The following EXOC4 variants were observed in gnomAD, a reference collection of about 807,000 sequenced individuals.
EXOC4 encodes SEC8-like 1.
A neutral mutation model predicts 107.2 loss-of-function variants in EXOC4; 71 were observed. The ratio of observed to expected loss-of-function variants is 0.66; its 90% CI spans 0.55 to 0.81. EXOC4 has a LOEUF of 0.81. EXOC4 is among the 30% of genes least tolerant of loss of function. The pLI is 0.00. For synonymous variants in EXOC4, 456 were observed against 441.2 expected, an observed-to-expected ratio of 1.03 and a Z score of -0.42; for missense variants, 1,108 against 1,189.6, an observed-to-expected ratio of 0.93 and a Z score of 1.01.
chr7:133,432,962 A>G (rs1293953077), intron 7 of EXOC4, among the ~76,000 whole-genome samples: 3 of 152,248 alleles, frequency 2.0e-5, no homozygotes, highest in Non-Finnish European at 4.4e-5. Context: ...CTTTGTCAAC[A>G]GATTTCTGAG....
chr7:133,891,916 G>C (rs1236939261), intron 11 of EXOC4, among the ~76,000 whole-genome samples: 1 of 49,638 alleles, frequency 2.0e-5, no homozygotes, highest in Admixed American at 1.5e-4. Flanking sequence ...CCCGGCTTTG[G>C]TATCAGAATG....
chr7:133,850,967 C>T (rs969728044), intron 11 of EXOC4, among the ~76,000 whole-genome samples: 1 of 152,110 alleles, frequency 6.6e-6, no homozygotes, highest in African/African-American at 2.4e-5. Context: ...TCAATTCTTC[C>T]TCATATGAGG....
chr7:133,260,484 G>T (rs1562992174), intron 1 of EXOC4, among the ~76,000 whole-genome samples: 4 of 152,138 alleles, frequency 2.6e-5, no homozygotes, highest in Admixed American at 2.6e-4. Context: ...ATGTTGGTCA[G>T]GCTGGTCTTG....
intron 5 of EXOC4, among the ~76,000 whole-genome samples, chr7:133,332,074 G>A (rs1795407322): frequency 6.6e-6 from 1 of 152,086 alleles, no homozygotes; most frequent in African/African-American, 2.4e-5. Context: ...ACTGCCTTTG[G>A]AACATTTTGA....
chr7:134,094,029 A>C, the EXOC4 span, among the ~76,000 whole-genome samples: 2 of 152,192 alleles, frequency 1.3e-5, no homozygotes, highest in Admixed American at 6.5e-5. Flanking sequence ...AAACAAGAGC[A>C]AATGAACCCC....
intron 10 of EXOC4, among the ~76,000 whole-genome samples, chr7:133,766,179 A>T (rs1262271998): frequency 6.6e-6 from 1 of 151,952 alleles, no homozygotes; most frequent in Non-Finnish European, 1.5e-5. Flanking sequence ...TTCTGTGCTT[A>T]TGAAAAAAGA....
intron 10 of EXOC4, among the ~76,000 whole-genome samples, chr7:133,641,388 T>C (rs1802850491): frequency 1.3e-5 from 2 of 152,214 alleles, no homozygotes; most frequent in South Asian, 2.1e-4. Flanking sequence ...AATTCTTGAA[T>C]ATTAAAAGAT....
At chr7:133,843,901 C>A (rs964888413) in intron 11 of EXOC4, among the ~76,000 whole-genome samples, 14 of 152,166 alleles carry the variant, frequency 9.2e-5, no homozygotes, top group African/African-American at 3.4e-4. Context: ...ACAGCCTTTT[C>A]TGCATCCATT....
intron 4 of EXOC4, among the ~76,000 whole-genome samples, chr7:133,312,651 C>T (rs536646785): frequency 2.6e-5 from 4 of 151,780 alleles, no homozygotes; most frequent in East Asian, 1.9e-4. Flanking sequence ...AAGGAGCATG[C>T]GTGCCATTTT....
chr7:133,779,998 G>A (rs1470063898), intron 10 of EXOC4, among the ~76,000 whole-genome samples: 2 of 152,180 alleles, frequency 1.3e-5, no homozygotes, highest in African/African-American at 4.8e-5. Flanking sequence ...CAGCGAGACT[G>A]TGTACCCACC....
chr7:133,309,008 A>C (rs939186441), intron 4 of EXOC4, among the ~76,000 whole-genome samples: 25 of 152,188 alleles, frequency 1.6e-4, no homozygotes, highest in Non-Finnish European at 3.1e-4. Context: ...GATACCAATT[A>C]AACTGGTATG....
intron 10 of EXOC4, among the ~76,000 whole-genome samples, chr7:133,643,231 C>G (rs1473772258): frequency 6.6e-6 from 1 of 152,120 alleles, no homozygotes; most frequent in Non-Finnish European, 1.5e-5. Flanking sequence ...AGTCCAAGTT[C>G]CAAAACTGAA....
intron 10 of EXOC4, among the ~76,000 whole-genome samples, chr7:133,664,730 C>T (rs756605368): frequency 2.6e-5 from 4 of 152,110 alleles, no homozygotes; most frequent in Non-Finnish European, 5.9e-5. Context: ...CTTAAGGGAA[C>T]AGACAACTAC....
intron 14 of EXOC4, among the ~76,000 whole-genome samples, chr7:133,966,815 G>C (rs1801082274): frequency 6.6e-6 from 1 of 152,132 alleles, no homozygotes; most frequent in South Asian, 2.1e-4. Flanking sequence ...TGTCAGGTTT[G>C]TGTATCAGGA....
chr7:133,637,623 A>G (rs888935209), intron 10 of EXOC4, among the ~76,000 whole-genome samples: 10 of 152,164 alleles, frequency 6.6e-5, no homozygotes, highest in African/African-American at 1.4e-4. Context: ...TTTTCCCCCT[A>G]TGCTCAGAAT....
rs115196749 is a variant in EXOC4, at chr7:133,839,637, G to A, written c.1734+22093G>A. ...AGTAAGAATTCTTTTGAGCTTTAAG[G>A]TATCAGCCATGGAGGACTTGTACCA... On this transcript the variant is annotated intron_variant, in intron 11 of 17. Coordinates refer to ENST00000253861, the MANE Select transcript of EXOC4 (RefSeq NM_021807.4). Among the ~76,000 whole-genome samples, 366 of 152,274 alleles carry A rather than the reference G, an allele frequency of 2.4e-3. 5 individuals are homozygous for A. The highest frequency in any genetic ancestry group is 8.2e-3 in the African/African-American group (342 of 41,560).
intron 7 of EXOC4, among the ~76,000 whole-genome samples, chr7:133,454,399 C>G (rs551461778): frequency 6.6e-6 from 1 of 152,128 alleles, no homozygotes; most frequent in Non-Finnish European, 1.5e-5. Flanking sequence ...CCTGGCGAAG[C>G]GATTCTTGTG....
intron 13 of EXOC4, among the ~76,000 whole-genome samples, chr7:133,936,387 C>A (rs1005776360): frequency 2.0e-5 from 3 of 152,226 alleles, no homozygotes; most frequent in Non-Finnish European, 1.5e-5. Flanking sequence ...GCACTAAACA[C>A]CTATGTGTCA....
chr7:133,566,204 G>C (rs1800903120), intron 9 of EXOC4, among the ~76,000 whole-genome samples: 1 of 152,068 alleles, frequency 6.6e-6, no homozygotes, highest in African/African-American at 2.4e-5. Context: ...ATTATTTTTG[G>C]GGTTAGGAAT....
Sources: gnomAD v4.1 joint callset for allele counts (sites outside exome capture counted in the v4.1 genomes callset) on GRCh38, gnomAD v4.1.1 for gene constraint, MANE v1.5 for transcripts, NCBI Gene and HGNC (gene_info 2026-07-23, HGNC 2026-07-21) for gene names.